Variants in DHRSX observed in about 807,000 individuals in gnomAD.
DHRSX encodes the protein dehydrogenase/reductase X-linked.
DHRSX carries 31 observed loss-of-function variants against 34.0 expected under a neutral mutation model. The observed-to-expected ratio is 0.91, with a 90% CI of 0.69 to 1.23. The LOEUF (loss-of-function observed/expected upper bound fraction) is 1.23. Among genes scored for constraint, DHRSX ranks in the 50% most tolerant of loss-of-function variants. The pLI is 0.00. For synonymous variants in DHRSX, 201 were observed against 183.8 expected, an observed-to-expected ratio of 1.09 and a Z score of -0.76; for missense variants, 414 against 428.1, an observed-to-expected ratio of 0.97 and a Z score of 0.29.
intron 3 of DHRSX, among the ~76,000 whole-genome samples, chrX:2,333,416 A>G (rs141481121): frequency 2.9e-4 from 44 of 152,240 alleles, no homozygotes; most frequent in African/African-American, 9.9e-4. Context: ...AATCAGCACA[A>G]TATCTGATAT....
At chrX:2,392,850 ATTT>A (rs2043351677) in intron 3 of DHRSX, among the ~76,000 whole-genome samples, 1 of 141,106 alleles carries the variant, frequency 7.1e-6, no homozygotes, top group Admixed American at 7.3e-5. Context: ...ATCATTATAT[ATTT>A]ATGTAATATA....
At chrX:2,304,437 T>G (rs1204574383) in intron 3 of DHRSX, among the ~76,000 whole-genome samples, 1 of 152,122 alleles carries the variant, frequency 6.6e-6, no homozygotes, top group Non-Finnish European at 1.5e-5. Context: ...TCAAGTTGAA[T>G]TGGAATCCCC....
At chrX:2,475,136 T>G (rs762642792) in intron 1 of DHRSX, among the ~76,000 whole-genome samples, 6 of 147,338 alleles carry the variant, frequency 4.1e-5, no homozygotes, top group Non-Finnish European at 7.5e-5. Flanking sequence ...CACTGCTGTG[T>G]GCAGTGAAGA....
chrX:2,222,247 G>C (rs767487361), intron 6 of DHRSX, among the ~76,000 whole-genome samples: 1 of 152,266 alleles, frequency 6.6e-6, no homozygotes, highest in South Asian at 2.1e-4. Context: ...TTTTTACTGG[G>C]GTCTCATTGC....
chrX:2,328,576 G>C (rs962691762), intron 3 of DHRSX, among the ~76,000 whole-genome samples: 2 of 151,580 alleles, frequency 1.3e-5, no homozygotes, highest in Non-Finnish European at 2.9e-5. Flanking sequence ...TGAGGACACA[G>C]ACACACACAG....
intron 3 of DHRSX, among the ~76,000 whole-genome samples, chrX:2,373,906 G>A (rs2043110245): frequency 1.3e-5 from 2 of 152,148 alleles, no homozygotes; most frequent in Non-Finnish European, 2.9e-5. Flanking sequence ...TGAGAGAGTG[G>A]GGGAAGAGGA....
At chrX:2,284,925 C>G (rs983273830) in intron 4 of DHRSX, among the ~76,000 whole-genome samples, 2 of 152,128 alleles carry the variant, frequency 1.3e-5, no homozygotes, top group African/African-American at 4.8e-5. Flanking sequence ...AAGAAAAGCA[C>G]GAAGTGTAGC....
At chrX:2,341,017 TGGC>T (rs1477238950) in intron 3 of DHRSX, among the ~76,000 whole-genome samples, 1 of 151,938 alleles carries the variant, frequency 6.6e-6, no homozygotes, top group African/African-American at 2.4e-5. Context: ...GCTGCACGGG[TGGC>T]AGGTTCAGCA....
chrX:2,245,232 G>T (rs770397607), intron 5 of DHRSX, among the ~76,000 whole-genome samples: 1 of 152,130 alleles, frequency 6.6e-6, no homozygotes, highest in African/African-American at 2.4e-5. Flanking sequence ...CCAAAAGAAT[G>T]TAACCATCTG....
chrX:2,457,269 G>A (rs2044312154), intron 1 of DHRSX, among the ~76,000 whole-genome samples: 1 of 151,792 alleles, frequency 6.6e-6, no homozygotes, highest in African/African-American at 2.4e-5. Flanking sequence ...TGTAGGCACT[G>A]AAGACGTTCC....
intron 3 of DHRSX, among the ~76,000 whole-genome samples, chrX:2,301,795 C>T (rs1370708519): frequency 1.3e-5 from 2 of 152,102 alleles, no homozygotes; most frequent in Admixed American, 1.3e-4. Context: ...CCCGCCACCA[C>T]GCCTGGCTAA....
chrX:2,485,668 G>A (rs1283454413), intron 1 of DHRSX, among the ~76,000 whole-genome samples: 1 of 77,008 alleles, frequency 1.3e-5, no homozygotes, highest in Non-Finnish European at 2.5e-5. Flanking sequence ...ATGGGGGAAG[G>A]AGGGAGGGGA....
intron 1 of DHRSX, among the ~76,000 whole-genome samples, chrX:2,431,182 T>G (rs1467204105): frequency 6.6e-6 from 1 of 151,654 alleles, no homozygotes; most frequent in Admixed American, 6.6e-5. Context: ...AAAATTAGCC[T>G]GGCGTGGTGG....
chrX:2,483,220 T>C lies in DHRSX; in HGVS notation c.109+17597A>G, dbSNP rs141286470. 2.7e-3 allele frequency among the ~76,000 whole-genome samples: 408 copies of C among 152,082 alleles called. 3 individuals are homozygous for C. Among genetic ancestry groups the C allele is most frequent in the African/African-American group, 9.4e-3 (392 of 41,484 alleles). On this transcript the variant is annotated intron_variant, in intron 1 of 6. Transcript: ENST00000334651. ...CCCACCTCAGTCTCCCAAGTAGCTG[T>C]GATCACACATGCGTGCCACCATGTT...
chrX:2,387,455 A>G (rs1228246931), intron 3 of DHRSX, among the ~76,000 whole-genome samples: 1 of 152,178 alleles, frequency 6.6e-6, no homozygotes, highest in Non-Finnish European at 1.5e-5. Context: ...CCAAGTCCCA[A>G]AGCTGAAGAA....
At position 2,303,869 on chromosome X, in the gene DHRSX, G is replaced by A. The variant is rs868624717; in HGVS notation, c.287-12266C>T. On this transcript the variant is annotated intron_variant, in intron 3 of 6. Coordinates refer to ENST00000334651, the MANE Select transcript of DHRSX (RefSeq NM_145177.3). ...GATGGATGGGTGGATGGGTGGATGG[G>A]TGGATGGGTGGATGGATGGATGGAT... Among the ~76,000 whole-genome samples the A allele has an allele frequency of 1.1e-3, 116 of 108,278 alleles. 2 individuals carry two copies. Among genetic ancestry groups the A allele is most frequent in the African/African-American group, 4.1e-3 (106 of 25,738 alleles). The allele number at this position is 108,278 out of a possible 152,430, so 71.0% of individuals were successfully genotyped here.
chrX:2,224,744 G>A (rs1284073388), intron 6 of DHRSX, among the ~76,000 whole-genome samples: 4 of 151,878 alleles, frequency 2.6e-5, no homozygotes, highest in Non-Finnish European at 4.4e-5. Context: ...ACACACACAT[G>A]CACACTTACT....
intron 1 of DHRSX, among the ~76,000 whole-genome samples, chrX:2,484,835 G>C (rs778514035): frequency 6.6e-6 from 1 of 151,960 alleles, no homozygotes; most frequent in African/African-American, 2.4e-5. Flanking sequence ...AGCTGGCTGC[G>C]CCAGGAACCC....
chrX:2,490,211 G>A, intron 1 of DHRSX: 1 of 1,613,974 alleles, frequency 6.2e-7, no homozygotes, highest in Non-Finnish European at 8.5e-7. Flanking sequence ...GATGGCCTTG[G>A]TAGAGATGTA....
Sources: gnomAD v4.1 joint callset for allele counts (sites outside exome capture counted in the v4.1 genomes callset) on GRCh38, gnomAD v4.1.1 for gene constraint, MANE v1.5 for transcripts, NCBI Gene and HGNC (gene_info 2026-07-23, HGNC 2026-07-21) for gene names.